Variants in MAP4K3 observed in about 807,000 individuals in gnomAD.
MAP4K3 encodes MAPK/ERK kinase kinase kinase 3.
MAP4K3 carries 94 observed loss-of-function variants against 143.5 expected under a neutral mutation model. The observed-to-expected ratio is 0.65, with a 90% CI of 0.55 to 0.78. MAP4K3 has a LOEUF of 0.78. MAP4K3 is among the 30% of genes least tolerant of loss of function. The pLI, the probability that MAP4K3 is intolerant of heterozygous loss-of-function variation, is 0.00. For missense variants in MAP4K3, 1,077 were observed against 1,068.1 expected, an observed-to-expected ratio of 1.01 and a Z score of -0.12; for synonymous variants, 416 against 347.2, an observed-to-expected ratio of 1.20 and a Z score of -2.20.
At chr2:39,372,502 A>C (rs1179093944) in intron 2 of MAP4K3, among the ~76,000 whole-genome samples, 1 of 151,860 alleles carries the variant, frequency 6.6e-6, no homozygotes, top group African/African-American at 2.4e-5. Context: ...GAAAAAAAAA[A>C]AAAGAAACTG....
chr2:39,325,682 A>T (rs1683466380), intron 11 of MAP4K3, 48 bp downstream of exon 11: 1 of 1,560,964 alleles, frequency 6.4e-7, no homozygotes, highest in East Asian at 2.3e-5. Flanking sequence ...ATTGAATAAC[A>T]TTTTATCTTT....
intron 6 of MAP4K3, 62 bp from the exon 7 acceptor site, chr2:39,333,636 A>G: frequency 1.2e-6 from 1 of 847,582 alleles, no homozygotes; most frequent in Non-Finnish European, 1.9e-6. Context: ...CAGCACATAT[A>G]TAATAAATAT....
At chr2:39,416,203 T>C (rs1028161544) in intron 1 of MAP4K3, among the ~76,000 whole-genome samples, 2 of 151,486 alleles carry the variant, frequency 1.3e-5, no homozygotes, top group Non-Finnish European at 2.9e-5. Context: ...CTGTCCTGTT[T>C]GAAAACAAAA....
In MAP4K3 at chr2:39,343,467, G is replaced by A; in HGVS notation, c.246-15C>T. 1.2e-6 allele frequency: 2 copies of A among 1,607,406 alleles called. No individual in the cohort carries two copies. Among genetic ancestry groups the A allele is most frequent in the Non-Finnish European group, 1.7e-6 (2 of 1,175,222 alleles). ...GCTTATCTCGCCTATAAAGAGAAAA[G>A]AAGCATGTATCATATTTTCATGATT... On this transcript the variant is annotated splice_polypyrimidine_tract_variant and intron_variant, in intron 3 of 33. Transcript: ENST00000263881.
chr2:39,292,466 G>GT (rs1285570060), intron 18 of MAP4K3, among the ~76,000 whole-genome samples: 1 of 152,182 alleles, frequency 6.6e-6, no homozygotes, highest in Non-Finnish European at 1.5e-5. Flanking sequence ...GCCACGTGAA[G>GT]ACATGGCCAG....
chr2:39,380,540 T>A lies in MAP4K3; in HGVS notation c.97-2417A>T, dbSNP rs1666332526. Reference sequence around the variant, plus strand: ...TTATAAAATATTAGCACGTATAAAGTTAAAAATTTTGAATTCAGAATATGT... The same window carrying A: ...TTATAAAATATTAGCACGTATAAAGATAAAAATTTTGAATTCAGAATATGT... On this transcript the variant is annotated intron_variant, in intron 1 of 33. Transcript: ENST00000263881. Among the ~76,000 whole-genome samples the A allele has an allele frequency of 2.6e-5, 4 of 152,268 alleles. No individual in the cohort carries two copies. In the South Asian group the frequency reaches 8.3e-4, roughly 32 times the overall value.
At chr2:39,350,849 T>C (rs1558660610) in intron 3 of MAP4K3, among the ~76,000 whole-genome samples, 1 of 152,132 alleles carries the variant, frequency 6.6e-6, no homozygotes, top group Non-Finnish European at 1.5e-5. Flanking sequence ...CACAACCTTA[T>C]CTACTCCAAC....
intron 4 of MAP4K3, among the ~76,000 whole-genome samples, chr2:39,339,451 C>T (rs1405978211): frequency 6.6e-6 from 1 of 152,110 alleles, no homozygotes; most frequent in African/African-American, 2.4e-5. Context: ...GATACTTTCC[C>T]AGGAGACAAA....
chr2:39,274,829 A>C (rs1219153714), intron 24 of MAP4K3, among the ~76,000 whole-genome samples: 49 of 152,236 alleles, frequency 3.2e-4, no homozygotes, highest in Non-Finnish European at 8.8e-5. Flanking sequence ...AAGAGTGCTG[A>C]GTACTGAATA....
chr2:39,361,117 T>C (rs1481973328), intron 2 of MAP4K3, among the ~76,000 whole-genome samples: 2 of 152,206 alleles, frequency 1.3e-5, no homozygotes, highest in Non-Finnish European at 2.9e-5. Flanking sequence ...ACTAGTTGTA[T>C]CATCTCAGGC....
intron 13 of MAP4K3, among the ~76,000 whole-genome samples, chr2:39,310,879 G>T (rs890685336): frequency 2.0e-5 from 3 of 152,008 alleles, no homozygotes; most frequent in Admixed American, 6.6e-5. Flanking sequence ...TACAATTAGT[G>T]ATATTTTCAT....
At chr2:39,354,025 T>C (rs1665534724) in intron 3 of MAP4K3, among the ~76,000 whole-genome samples, 1 of 152,160 alleles carries the variant, frequency 6.6e-6, no homozygotes. Flanking sequence ...ATACGATTTG[T>C]CTCTGGCAAA....
intron 1 of MAP4K3, 115 bp downstream of exon 1, chr2:39,436,777 C>G: frequency 2.3e-6 from 2 of 858,170 alleles, no homozygotes; most frequent in South Asian, 3.0e-5. Flanking sequence ...TCCTCCTCCC[C>G]GACTGCTCCC....
At chr2:39,364,908 G>C (rs917212516) in intron 2 of MAP4K3, among the ~76,000 whole-genome samples, 4 of 151,424 alleles carry the variant, frequency 2.6e-5, no homozygotes, top group African/African-American at 9.7e-5. Context: ...AGAGACCAAG[G>C]TTTTATCATG....
At chr2:39,318,576 T>C (rs1465931173) in intron 12 of MAP4K3, among the ~76,000 whole-genome samples, 1 of 152,124 alleles carries the variant, frequency 6.6e-6, no homozygotes, top group Non-Finnish European at 1.5e-5. Flanking sequence ...AACTAATATA[T>C]GATATTTAGA....
chr2:39,395,023 C>G (rs1399875761), intron 1 of MAP4K3, among the ~76,000 whole-genome samples: 1 of 152,046 alleles, frequency 6.6e-6, no homozygotes, highest in Non-Finnish European at 1.5e-5. Context: ...TCCACTATGA[C>G]AGCAATTATT....
intron 16 of MAP4K3, among the ~76,000 whole-genome samples, chr2:39,294,956 G>A (rs1221181366): frequency 3.3e-5 from 5 of 151,616 alleles, no homozygotes; most frequent in Non-Finnish European, 7.4e-5. Flanking sequence ...ACTACAAGAT[G>A]TGTGATACCA....
At chr2:39,393,157 T>C (rs1252518508) in intron 1 of MAP4K3, among the ~76,000 whole-genome samples, 1 of 152,222 alleles carries the variant, frequency 6.6e-6, no homozygotes, top group Non-Finnish European at 1.5e-5. Context: ...TTGGAGAAAC[T>C]GATTAAGTGA....
At chr2:39,400,500 T>G (rs1666923065) in intron 1 of MAP4K3, among the ~76,000 whole-genome samples, 1 of 152,172 alleles carries the variant, frequency 6.6e-6, no homozygotes, top group Non-Finnish European at 1.5e-5. Context: ...ATGTTGAGCT[T>G]AGGTTTTATT....
Sources: allele counts gnomAD v4.1 joint callset (sites outside exome capture counted in the v4.1 genomes callset), GRCh38; gene constraint gnomAD v4.1.1; transcripts MANE v1.5; gene names NCBI Gene and HGNC (gene_info 2026-07-23, HGNC 2026-07-21).